Variants in PAK3 observed in about 807,000 individuals in gnomAD.
The protein encoded by PAK3 is serine/threonine-protein kinase PAK 3.
Under a neutral mutation model 41.0 loss-of-function variants are expected in PAK3, and 4 were observed. The observed-to-expected ratio is 0.10, with a 90% confidence interval of 0.05 to 0.22. The LOEUF (loss-of-function observed/expected upper bound fraction) is 0.22. Among genes scored for constraint, PAK3 ranks in the 10% least tolerant of loss-of-function variants. PAK3 has a pLI of 1.00. For missense variants in PAK3, 205 were observed against 409.9 expected (o/e 0.50, Z 4.32); for synonymous variants, 146 against 139.6 (o/e 1.05, Z -0.32).
chrX:111,022,880 A>T (rs1481203772), intron 1 of PAK3, among the ~76,000 whole-genome samples: 1 of 109,666 alleles, frequency 9.1e-6, no homozygotes, highest in Non-Finnish European at 1.9e-5. Flanking sequence ...AGTGAGCAGG[A>T]GTAGCTATTC....
chrX:111,197,391 G>A, intron 16 of PAK3, among the ~76,000 whole-genome samples: 1 of 112,002 alleles, frequency 8.9e-6, no homozygotes, highest in Non-Finnish European at 1.9e-5. Context: ...GAACATACAC[G>A]TGTGTATGTC....
chrX:111,062,457 C>T (rs1439086944), intron 1 of PAK3, among the ~76,000 whole-genome samples: 1 of 112,267 alleles, frequency 8.9e-6, no homozygotes, highest in Non-Finnish European at 1.9e-5. Context: ...AATTCATAGG[C>T]AGCATGGGCC....
intron 15 of PAK3, among the ~76,000 whole-genome samples, 184 bp downstream of exon 15, chrX:111,196,125 A>AT (rs2094610639): frequency 8.9e-6 from 1 of 112,462 alleles, no homozygotes; most frequent in Non-Finnish European, 1.9e-5. Flanking sequence ...TGGATTTAAT[A>AT]TTTCAGAATT....
intron 6 of PAK3, chrX:111,146,394 C>G (rs1335437778): frequency 4.1e-6 from 2 of 489,823 alleles, no homozygotes; most frequent in Non-Finnish European, 7.1e-6. Flanking sequence ...TCCCTATTTT[C>G]ATAACTGCCC....
intron 1 of PAK3, among the ~76,000 whole-genome samples, chrX:110,993,841 C>T (rs770632520): frequency 9.0e-6 from 1 of 111,365 alleles, no homozygotes; most frequent in South Asian, 3.8e-4. Flanking sequence ...AGGGAAATTT[C>T]CTCTGTAATT....
chrX:110,963,450 C>T (rs1220240997), intron 1 of PAK3, among the ~76,000 whole-genome samples: 2 of 111,769 alleles, frequency 1.8e-5, no homozygotes, highest in Non-Finnish European at 3.8e-5. Context: ...ACACTCTTAC[C>T]TATAAAAAGG....
At chrX:111,181,881 G>C (rs1326032148) in intron 11 of PAK3, among the ~76,000 whole-genome samples, 1 of 111,022 alleles carries the variant, frequency 9.0e-6, no homozygotes, top group Non-Finnish European at 1.9e-5. Flanking sequence ...AAGGTAGAAC[G>C]CTGCTATGAA....
chrX:111,115,213 T>C (rs1481101895), intron 4 of PAK3, among the ~76,000 whole-genome samples: 2 of 112,121 alleles, frequency 1.8e-5, no homozygotes, highest in East Asian at 2.8e-4. Context: ...ATAATAAGCA[T>C]TGAGCCACTT....
chrX:111,020,153 G>T (rs1441342996), intron 1 of PAK3, among the ~76,000 whole-genome samples: 1 of 112,144 alleles, frequency 8.9e-6, no homozygotes, highest in Non-Finnish European at 1.9e-5. Context: ...ATAGCTAAAA[G>T]TTAGAAGCAT....
intron 11 of PAK3, among the ~76,000 whole-genome samples, chrX:111,183,366 A>G (rs899509075): frequency 9.0e-6 from 1 of 111,471 alleles, no homozygotes; most frequent in African/African-American, 3.3e-5. Flanking sequence ...TAACCATTCT[A>G]TATGGGGTTT....
At chrX:111,012,945 G>T (rs183345052) in intron 1 of PAK3, among the ~76,000 whole-genome samples, 113 of 111,277 alleles carry the variant, frequency 1.0e-3, no homozygotes, top group African/African-American at 3.6e-3. Flanking sequence ...CACAGCACCC[G>T]GCTTATTTTT....
At chrX:111,208,371 G>C (rs1030855339) in intron 16 of PAK3, among the ~76,000 whole-genome samples, 1 of 112,192 alleles carries the variant, frequency 8.9e-6, no homozygotes, top group Non-Finnish European at 1.9e-5. Flanking sequence ...GCCTATGGCA[G>C]TGTATAGTAA....
At chrX:110,957,574 G>A (rs751202095) in intron 1 of PAK3, among the ~76,000 whole-genome samples, 24 of 111,838 alleles carry the variant, frequency 2.1e-4, no homozygotes, top group Non-Finnish European at 4.1e-4. Flanking sequence ...AGTAGACATT[G>A]CTCATTTTGA....
chrX:111,220,572 A>G lies in PAK3; in HGVS notation c.*125A>G, dbSNP rs185172095. On this transcript the variant is annotated 3_prime_UTR_variant, in exon 18 of 18. Coordinates refer to ENST00000372007, the MANE Select transcript of PAK3 (RefSeq NM_002578.5). ...GGTTCTTTACCTTTCAAATGAATAGAAACTTCTTATAAGCCTTTTTCCTAC... is the reference window on the plus strand; with the variant it reads ...GGTTCTTTACCTTTCAAATGAATAGGAACTTCTTATAAGCCTTTTTCCTAC... The G allele has an allele frequency of 1.9e-6, 1 of 522,980 alleles. No homozygotes were observed. The highest frequency in any genetic ancestry group is 3.4e-6 in the Non-Finnish European group (1 of 290,567). The allele number at this position is 522,980 out of a possible 1,213,427, so 43.1% of individuals were successfully genotyped here.
intron 1 of PAK3, among the ~76,000 whole-genome samples, chrX:111,081,390 C>A (rs1390190042): frequency 9.0e-6 from 1 of 110,781 alleles, no homozygotes; most frequent in African/African-American, 3.3e-5. Flanking sequence ...CATGCCTGTA[C>A]TCCCAGCTAC....
chrX:111,154,550 A>C (rs1218149522), intron 8 of PAK3, among the ~76,000 whole-genome samples: 1 of 111,773 alleles, frequency 8.9e-6, no homozygotes, highest in Non-Finnish European at 1.9e-5. Flanking sequence ...TATATTTATT[A>C]AATGTAAACT....
At chrX:111,187,384 A>G (rs1476666822) in intron 11 of PAK3, among the ~76,000 whole-genome samples, 3 of 112,158 alleles carry the variant, frequency 2.7e-5, no homozygotes, top group Non-Finnish European at 3.8e-5. Context: ...AATTATCATT[A>G]CTGCTAATAT....
intron 1 of PAK3, among the ~76,000 whole-genome samples, chrX:110,972,697 T>G (rs939810653): frequency 2.7e-5 from 3 of 111,868 alleles, no homozygotes; most frequent in African/African-American, 9.8e-5. Flanking sequence ...GGAACAAAGC[T>G]GGACATAGAA....
In PAK3 at chrX:110,946,886, A is replaced by C. The variant is rs146257613; in HGVS notation, c.-28+2258A>C. Among the ~76,000 whole-genome samples the C allele has an allele frequency of 6.2e-5, 7 of 112,678 alleles. No individual in the cohort carries two copies. In the East Asian group the frequency reaches 1.4e-3, roughly 22 times the overall value. On this transcript the variant is annotated intron_variant, in intron 1 of 14. Coordinates refer to the PAK3 transcript ENST00000425146. ...GAATTTTTACATTTTAGGTACTTTT[A>C]GTAGTTTCACTGGTAATTAACAATG...
Sources: gnomAD v4.1 joint callset for allele counts (sites outside exome capture counted in the v4.1 genomes callset) on GRCh38, gnomAD v4.1.1 for gene constraint, MANE v1.5 for transcripts, NCBI Gene and HGNC (gene_info 2026-07-23, HGNC 2026-07-21) for gene names.